CTNND2: variants seen among roughly 807,000 people sequenced by gnomAD.
The protein encoded by CTNND2 is catenin delta 2, also known as catenin delta-2.
Under a neutral mutation model 144.4 loss-of-function variants are expected in CTNND2, and 22 were observed. The ratio of observed to expected loss-of-function variants is 0.15; its 90% CI spans 0.11 to 0.22. The LOEUF (loss-of-function observed/expected upper bound fraction) is 0.22, where lower values mean the gene tolerates loss of function less well. CTNND2 is among the 10% of genes least tolerant of loss of function. The pLI is 1.00. For synonymous variants in CTNND2, 751 were observed against 695.6 expected, an observed-to-expected ratio of 1.08 and a Z score of -1.25; for missense variants, 1,353 against 1,618.8, an observed-to-expected ratio of 0.84 and a Z score of 2.82.
At chr5:11,784,793 T>C (rs760849935) in intron 1 of CTNND2, among the ~76,000 whole-genome samples, 21 of 152,188 alleles carry the variant, frequency 1.4e-4, no homozygotes, top group Non-Finnish European at 2.9e-4. Flanking sequence ...AGCACTGATG[T>C]AAGTGGGTCC....
chr5:11,811,496 C>A lies in CTNND2; in HGVS notation c.38-79224G>T, dbSNP rs73064623. The stretch of plus-strand genomic sequence containing the variant: ...TAAATCCAATAGGCTAGTATAAATT[C>A]TCTTGGATAAGGCATGATATTGTAA... On this transcript the variant is annotated intron_variant, in intron 1 of 21. Coordinates refer to ENST00000304623, the MANE Select transcript of CTNND2 (RefSeq NM_001332.4). Among the ~76,000 whole-genome samples, 745 of 152,178 alleles carry A rather than the reference C, an allele frequency of 4.9e-3. 9 individuals carry two copies. The highest frequency in any genetic ancestry group is 0.017 in the African/African-American group (726 of 41,526).
rs752959045 is a variant in CTNND2, at chr5:11,160,459, C to T, written c.1976-700G>A. Among the ~76,000 whole-genome samples, 9 of 152,230 alleles carry T rather than the reference C, an allele frequency of 5.9e-5. No individual in the cohort carries two copies. The East Asian group carries it at 7.7e-4, about 13-fold the overall frequency. ...CAGGCAGAGCAATGCAAAATGTTAACGACAAATAGAATGCTTTAGGCTTTT... is the reference window on the plus strand; with the variant it reads ...CAGGCAGAGCAATGCAAAATGTTAATGACAAATAGAATGCTTTAGGCTTTT... On this transcript the variant is annotated intron_variant, in intron 11 of 21. Transcript: ENST00000304623.
At chr5:11,755,694 G>C (rs1308262575) in intron 1 of CTNND2, among the ~76,000 whole-genome samples, 2 of 138,304 alleles carry the variant, frequency 1.4e-5, no homozygotes, top group African/African-American at 5.3e-5. Context: ...TTTGAGCTCT[G>C]AGATTCTTTC....
chr5:11,199,740 A>G (rs1561010475), intron 10 of CTNND2, 79 bp from the exon 11 acceptor site: 1 of 1,038,196 alleles, frequency 9.6e-7, no homozygotes, highest in African/African-American at 1.6e-5. Flanking sequence ...TTTCATATAA[A>G]GTATCTGCTA....
At chr5:11,018,190 G>C (rs1741831890) in intron 17 of CTNND2, 132 bp from the exon 18 acceptor site, 2 of 630,570 alleles carry the variant, frequency 3.2e-6, no homozygotes, top group Non-Finnish European at 5.8e-6. Context: ...AGTGCTCCCT[G>C]ATATTACTAC....
chr5:11,144,707 C>T (rs546231646), intron 12 of CTNND2, among the ~76,000 whole-genome samples: 2 of 152,244 alleles, frequency 1.3e-5, no homozygotes, highest in Admixed American at 1.3e-4. Context: ...CGCCGTCTCA[C>T]CCCTTTTCTG....
chr5:11,402,242 A>C (rs1760707327), intron 5 of CTNND2, among the ~76,000 whole-genome samples: 1 of 152,196 alleles, frequency 6.6e-6, no homozygotes, highest in South Asian at 2.1e-4. Flanking sequence ...CATCAACCTC[A>C]AAACTCATTC....
At chr5:11,159,809 A>G (rs1231966870) in intron 11 of CTNND2, 50 bp from the exon 12 acceptor site, 1 of 1,421,748 alleles carries the variant, frequency 7.0e-7, no homozygotes. Flanking sequence ...AGTTTTTCTC[A>G]TCTCCAAAAC....
intron 9 of CTNND2, among the ~76,000 whole-genome samples, chr5:11,276,620 T>A (rs1746561526): frequency 6.6e-6 from 1 of 152,128 alleles, no homozygotes; most frequent in Non-Finnish European, 1.5e-5. Context: ...AAAAGATACA[T>A]CCAAGTGCTA....
intron 3 of CTNND2, among the ~76,000 whole-genome samples, chr5:11,551,425 C>CT (rs1561545386): frequency 4.5e-5 from 5 of 110,890 alleles, no homozygotes; most frequent in African/African-American, 1.8e-4. Flanking sequence ...TATGCTTTTT[C>CT]TTTTTTCTTT....
chr5:11,299,789 A>T (rs1341412836), intron 9 of CTNND2, among the ~76,000 whole-genome samples: 2 of 152,180 alleles, frequency 1.3e-5, no homozygotes, highest in Admixed American at 6.5e-5. Context: ...CCAGCCACAA[A>T]GAAGGCCTTG....
chr5:11,768,311 A>G (rs1789714354), intron 1 of CTNND2, among the ~76,000 whole-genome samples: 2 of 139,128 alleles, frequency 1.4e-5, no homozygotes, highest in Admixed American at 1.4e-4. Context: ...TTGTTTTGTG[A>G]CAGAGTCTCA....
In CTNND2 at chr5:11,106,787, C is replaced by T. The variant is rs61755670; in HGVS notation, c.2463+4071G>A. On this transcript the variant is annotated intron_variant, in intron 14 of 21. Coordinates refer to ENST00000304623, the MANE Select transcript of CTNND2 (RefSeq NM_001332.4). ...CATAGTTGTCACAAAAGACTACAAT[C>T]CCCAGCCTCCCTCGCAGCTCTGGTG... Among the ~76,000 whole-genome samples the T allele has an allele frequency of 9.8e-4, 149 of 152,238 alleles. 1 individual carries two copies. Among genetic ancestry groups the T allele is most frequent in the African/African-American group, 3.4e-3 (143 of 41,546 alleles).
At chr5:11,240,920 C>A (rs566864155) in intron 9 of CTNND2, among the ~76,000 whole-genome samples, 1 of 146,198 alleles carries the variant, frequency 6.8e-6, no homozygotes, top group East Asian at 2.1e-4. Flanking sequence ...ACACACATCC[C>A]CAACACACAC....
At chr5:11,537,350 T>A (rs748940058) in intron 3 of CTNND2, among the ~76,000 whole-genome samples, 6 of 152,208 alleles carry the variant, frequency 3.9e-5, no homozygotes, top group Non-Finnish European at 7.3e-5. Flanking sequence ...GATTGATAAA[T>A]CATATATCTG....
chr5:11,806,580 A>C (rs1484434824), intron 1 of CTNND2, among the ~76,000 whole-genome samples: 1 of 152,094 alleles, frequency 6.6e-6, no homozygotes, highest in Non-Finnish European at 1.5e-5. Context: ...CCAGCCATCT[A>C]CAAGCAATGT....
chr5:11,380,248 C>G (rs1386450869), intron 7 of CTNND2, among the ~76,000 whole-genome samples: 1 of 152,198 alleles, frequency 6.6e-6, no homozygotes, highest in Non-Finnish European at 1.5e-5. Context: ...ATGCCCAACA[C>G]AGACACTGAC....
chr5:11,892,659 G>A (rs370021722), intron 1 of CTNND2, among the ~76,000 whole-genome samples: 42 of 151,880 alleles, frequency 2.8e-4, no homozygotes, highest in African/African-American at 8.0e-4. Context: ...AAATCTCTTC[G>A]GAGTTAGACA....
intron 1 of CTNND2, among the ~76,000 whole-genome samples, chr5:11,842,193 G>A (rs1264282771): frequency 6.6e-6 from 1 of 152,046 alleles, no homozygotes; most frequent in African/African-American, 2.4e-5. Context: ...ATGAAGGATG[G>A]TATTGTGTAA....
Sources: gnomAD v4.1 joint callset for allele counts (sites outside exome capture counted in the v4.1 genomes callset) on GRCh38, gnomAD v4.1.1 for gene constraint, MANE v1.5 for transcripts, NCBI Gene and HGNC (gene_info 2026-07-23, HGNC 2026-07-21) for gene names.